ZFHX3: variants seen among roughly 807,000 people sequenced by gnomAD.
ZFHX3 encodes the protein zinc finger homeobox protein 3.
A neutral mutation model predicts 279.1 loss-of-function variants in ZFHX3; 42 were observed. That is an observed-to-expected ratio of 0.15 (90% confidence interval 0.12 to 0.19). The LOEUF is 0.19. Ranked by LOEUF, ZFHX3 falls within the 10% of genes least tolerant of loss-of-function variation. The pLI, the probability that ZFHX3 is intolerant of heterozygous loss-of-function variation, is 1.00. For missense variants in ZFHX3, 4,981 were observed against 4,754.0 expected, an observed-to-expected ratio of 1.05 and a Z score of -1.40; for synonymous variants, 2,293 against 1,957.8, an observed-to-expected ratio of 1.17 and a Z score of -4.52.
At chr16:72,938,544 T>C (rs753955649) in intron 3 of ZFHX3, among the ~76,000 whole-genome samples, 24 of 152,250 alleles carry the variant, frequency 1.6e-4, no homozygotes, top group Non-Finnish European at 3.2e-4. Flanking sequence ...TCTGGAGAAT[T>C]TGGTGGGTCC....
intron 1 of ZFHX3, chr16:73,005,454 C>T (rs1245167877): frequency 1.3e-5 from 2 of 152,176 alleles, no homozygotes; most frequent in Non-Finnish European, 2.9e-5. Context: ...AAGATCGTGC[C>T]ACTGCACTCC....
chr16:73,292,140 A>G (rs1423845029), intron 4 of ZFHX3, among the ~76,000 whole-genome samples: 8 of 152,232 alleles, frequency 5.3e-5, no homozygotes, highest in African/African-American at 1.9e-4. Flanking sequence ...AGCAAAAATA[A>G]AACAAATCAA....
chr16:73,706,093 C>A (rs578000484), intron 1 of ZFHX3, among the ~76,000 whole-genome samples: 1 of 151,918 alleles, frequency 6.6e-6, no homozygotes, highest in Non-Finnish European at 1.5e-5. Flanking sequence ...TCGCTTGAGT[C>A]CAGGAGTTTG....
chr16:73,731,624 A>G (rs1210187758), intron 1 of ZFHX3, among the ~76,000 whole-genome samples: 1 of 138,946 alleles, frequency 7.2e-6, no homozygotes, highest in Admixed American at 7.6e-5. Context: ...CAGCTCACAC[A>G]CATAAACCAA....
rs35080897 is a variant in ZFHX3, at chr16:73,606,180, TAAAAAAAAAAAAAAAAAAAAAAAA to T, written c.-1547+73976_-1547+73999del. On this transcript the variant is annotated intron_variant, in intron 2 of 17. Transcript: ENST00000641206. Reference sequence around the variant, plus strand: ...CTGGGGGATTGAGCTAGGCTCCATCTAAAAAAAAAAAAAAAAAAAAAAAAAAAAAAAAAAAAATCCATGCTAGGC... The same window carrying T: ...CTGGGGGATTGAGCTAGGCTCCATCTAAAAAAAAAAAAATCCATGCTAGGC... Among the ~76,000 whole-genome samples the T allele has an allele frequency of 6.5e-4, 23 of 35,214 alleles. No homozygotes were observed. In the Admixed American group the frequency reaches 9.7e-3, roughly 15 times the overall value. The allele number at this position is 35,214 out of a possible 152,430, so 23.1% of individuals were successfully genotyped here.
At chr16:73,064,659 G>A (rs1965724062), upstream of ZFHX3, among the ~76,000 whole-genome samples, 1 of 152,154 alleles carries the variant, frequency 6.6e-6, no homozygotes, top group African/African-American at 2.4e-5. Context: ...CCCCAAACTT[G>A]GAGCGCCCGG....
At chr16:73,667,354 A>C (rs1295722243) in intron 2 of ZFHX3, among the ~76,000 whole-genome samples, 1 of 152,212 alleles carries the variant, frequency 6.6e-6, no homozygotes, top group Non-Finnish European at 1.5e-5. Context: ...GGTTTTGGCG[A>C]TTATGAGTAA....
intron 1 of ZFHX3, among the ~76,000 whole-genome samples, chr16:73,008,437 A>G (rs570706296): frequency 2.6e-5 from 4 of 152,060 alleles, no homozygotes; most frequent in Non-Finnish European, 5.9e-5. Flanking sequence ...CTGGCAAATA[A>G]AAAAAAACCT....
intron 2 of ZFHX3, among the ~76,000 whole-genome samples, chr16:73,525,107 A>C (rs1169352254): frequency 6.6e-6 from 1 of 152,232 alleles, no homozygotes; most frequent in African/African-American, 2.4e-5. Context: ...AGACCAGGGC[A>C]AACCAGCGAC....
At chr16:72,926,969 G>A (rs1351115059) in intron 3 of ZFHX3, among the ~76,000 whole-genome samples, 1 of 152,220 alleles carries the variant, frequency 6.6e-6, no homozygotes, top group Middle Eastern at 3.2e-3. Flanking sequence ...CAAGAGGTCA[G>A]GAGACAGAGA....
intron 1 of ZFHX3, among the ~76,000 whole-genome samples, chr16:73,042,759 G>A (rs1965163553): frequency 6.6e-6 from 1 of 152,060 alleles, no homozygotes. Flanking sequence ...AAACTCCACA[G>A]CCTTTTTCAG....
intron 1 of ZFHX3, among the ~76,000 whole-genome samples, chr16:72,987,316 T>C (rs776811550): frequency 1.3e-5 from 2 of 152,142 alleles, no homozygotes; most frequent in Admixed American, 6.5e-5. Flanking sequence ...AAAACAACAT[T>C]TGCAATTGAA....
intron 1 of ZFHX3, among the ~76,000 whole-genome samples, chr16:73,010,725 C>T (rs1963884658): frequency 6.6e-6 from 1 of 152,072 alleles, no homozygotes; most frequent in African/African-American, 2.4e-5. Context: ...CAGAGCCAGT[C>T]CTTTGGGCAC....
chr16:73,682,924 G>GAAAGAAAGAAAGAAAGAAAA (rs766109523), intron 1 of ZFHX3, among the ~76,000 whole-genome samples: 2 of 43,498 alleles, frequency 4.6e-5, no homozygotes, highest in Middle Eastern at 0.013. Flanking sequence ...AAGAGAGAAA[G>GAAAGAAAGAAAGAAAGAAAA]AGAAAGAAAG....
At chr16:73,758,276 A>G (rs2053831389) in intron 1 of ZFHX3, among the ~76,000 whole-genome samples, 1 of 152,204 alleles carries the variant, frequency 6.6e-6, no homozygotes, top group Non-Finnish European at 1.5e-5. Flanking sequence ...GATATTAAAT[A>G]CCGACTCTAA....
intron 2 of ZFHX3, among the ~76,000 whole-genome samples, chr16:73,634,366 A>C (rs1205640212): frequency 6.7e-6 from 1 of 150,236 alleles, no homozygotes; most frequent in East Asian, 1.9e-4. Flanking sequence ...AGAGGAGTTT[A>C]GGGTCATTTT....
At position 73,532,922 on chromosome 16, in the gene ZFHX3, A is replaced by AG. The variant is rs200067476; in HGVS notation, c.-1546-76665dup. 8.2e-3 allele frequency among the ~76,000 whole-genome samples: 1,250 copies of AG among 152,168 alleles called. 15 individuals carry two copies. Among genetic ancestry groups the AG allele is most frequent in the African/African-American group, 0.028 (1,183 of 41,518 alleles). ...CATTCTCTCTCCTGCCACCCTGTAAAGGGGGGGCCTTCTGCCATGATTTTA... is the reference window on the plus strand; with the variant it reads ...CATTCTCTCTCCTGCCACCCTGTAAAGGGGGGGGCCTTCTGCCATGATTTTA... On this transcript the variant is annotated intron_variant, in intron 2 of 17. Coordinates refer to the ZFHX3 transcript ENST00000641206.
intron 3 of ZFHX3, among the ~76,000 whole-genome samples, chr16:73,340,371 T>C (rs1015270340): frequency 6.6e-6 from 1 of 152,232 alleles, no homozygotes. Context: ...ATTTATTTAC[T>C]TATTCAGAAA....
At chr16:73,819,524 T>C (rs1014450904) in intron 1 of ZFHX3, among the ~76,000 whole-genome samples, 2 of 152,094 alleles carry the variant, frequency 1.3e-5, no homozygotes, top group Non-Finnish European at 2.9e-5. Context: ...GTCTTAGGAT[T>C]CTAAATGTAC....
Sources: gnomAD v4.1 joint callset for allele counts (sites outside exome capture counted in the v4.1 genomes callset) on GRCh38, gnomAD v4.1.1 for gene constraint, MANE v1.5 for transcripts, NCBI Gene and HGNC (gene_info 2026-07-23, HGNC 2026-07-21) for gene names.